The following SAR1B variants were observed in gnomAD, a reference collection of about 807,000 sequenced individuals.
SAR1B encodes small COPII coat GTPase SAR1B.
SAR1B carries 23 observed loss-of-function variants against 26.8 expected under a neutral mutation model. That is an observed-to-expected ratio of 0.86 (90% CI 0.62 to 1.22). The LOEUF is 1.22. Ranked by LOEUF, SAR1B falls within the 50% of genes most tolerant of loss-of-function variation. SAR1B has a pLI of 0.00. For missense variants in SAR1B, 196 were observed against 232.8 expected (o/e 0.84, Z 1.03); for synonymous variants, 65 against 80.8 (o/e 0.80, Z 1.05).
rs1202337210 is a variant in SAR1B, at chr5:134,604,171, G to A, written c.*2779C>T. ...AACGGCAGTCAGTGAAACAGGTATG[G>A]GATCTCTTTAAAAGTGTAAAAGTGG... On this transcript the variant is annotated 3_prime_UTR_variant, in exon 7 of 7. Coordinates refer to ENST00000402673, the MANE Select transcript of SAR1B (RefSeq NM_016103.4). The A allele has an allele frequency of 2.0e-5, 3 of 152,130 alleles. No individual in the cohort carries two copies. The highest frequency in any genetic ancestry group is 4.4e-5 in the Non-Finnish European group (3 of 68,036). 9.4% of individuals were successfully genotyped at this position (152,130 alleles called of 1,614,324 possible). A position where few individuals can be genotyped will look rare whatever the true frequency, so the allele number is the denominator to read the frequency against.
chr5:134,611,610 G>A (rs1028969721), intron 4 of SAR1B, among the ~76,000 whole-genome samples: 5 of 151,948 alleles, frequency 3.3e-5, no homozygotes, highest in Admixed American at 6.6e-5. Flanking sequence ...TTTAGTCCCC[G>A]CAAGTTTAAT....
At chr5:134,607,109 A>T in intron 6 of SAR1B, 43 bp from the exon 7 acceptor site, 1 of 1,215,360 alleles carries the variant, frequency 8.2e-7, no homozygotes, top group Non-Finnish European at 1.2e-6. Flanking sequence ...TTATAAAATT[A>T]ATAAAGCCCC....
At chr5:134,627,844 A>AT (rs1765523525) in intron 1 of SAR1B, among the ~76,000 whole-genome samples, 1 of 140,326 alleles carries the variant, frequency 7.1e-6, no homozygotes, top group South Asian at 2.2e-4. Context: ...AAATAAATAA[A>AT]ACCACACATT....
At chr5:134,617,932 T>C (rs1057436951) in intron 3 of SAR1B, among the ~76,000 whole-genome samples, 2 of 152,188 alleles carry the variant, frequency 1.3e-5, no homozygotes, top group Non-Finnish European at 2.9e-5. Flanking sequence ...TTTTATCTAC[T>C]CAATTTCACC....
At chr5:134,627,482 G>A (rs1395727165) in intron 1 of SAR1B, among the ~76,000 whole-genome samples, 1 of 151,944 alleles carries the variant, frequency 6.6e-6, no homozygotes, top group Non-Finnish European at 1.5e-5. Flanking sequence ...TACAGGCATA[G>A]GCCACTATGC....
intron 1 of SAR1B, among the ~76,000 whole-genome samples, chr5:134,626,298 CAAAAAAAAAAAAAAAAAA>C (rs35668627): frequency 1.1e-4 from 6 of 53,124 alleles, no homozygotes; most frequent in East Asian, 1.4e-3. Context: ...GACTCTGCCT[CAAAAAAAAAAAAAAAAAA>C]AAAAAAAAAA....
At chr5:134,630,875 ATTTCTTTTTT>A (rs1427704244) in intron 1 of SAR1B, among the ~76,000 whole-genome samples, 75 of 83,452 alleles carry the variant, frequency 9.0e-4, no homozygotes, top group African/African-American at 2.1e-3. Flanking sequence ...TTCCTTTTCT[ATTTCTTTTTT>A]TTTCTTTTTT....
chr5:134,617,767 C>T (rs1016873970), intron 3 of SAR1B, among the ~76,000 whole-genome samples: 2 of 151,974 alleles, frequency 1.3e-5, no homozygotes, highest in African/African-American at 4.8e-5. Flanking sequence ...CTGCAACCTC[C>T]GCCTCCCGGG....
At chr5:134,618,014 T>C (rs374422099) in intron 3 of SAR1B, among the ~76,000 whole-genome samples, 51 of 148,240 alleles carry the variant, frequency 3.4e-4, no homozygotes, top group African/African-American at 1.2e-3. Context: ...TTTTTTCTCC[T>C]AATATAAAAA....
At position 134,605,659 on chromosome 5, in the gene SAR1B, C is replaced by CAAAAAAAAAAAAAAAAAAAAAAAAAAA. The variant is rs1026047463; in HGVS notation, c.*1290_*1291insTTTTTTTTTTTTTTTTTTTTTTTTTTT. 1 of 35,024 alleles carries CAAAAAAAAAAAAAAAAAAAAAAAAAAA rather than the reference C, an allele frequency of 2.9e-5. No homozygotes were observed. The highest frequency in any genetic ancestry group is 5.9e-5 in the Non-Finnish European group (1 of 16,908). 2.2% of individuals were successfully genotyped at this position (35,024 alleles called of 1,614,324 possible). ...GTCTCTAAAACAAAATGAAACAGAG[C>CAAAAAAAAAAAAAAAAAAAAAAAAAAA]AAAAAAAAAAAAAAAAAAAAAGCCC... On this transcript the variant is annotated 3_prime_UTR_variant, in exon 7 of 7. Transcript: ENST00000402673.
intron 3 of SAR1B, among the ~76,000 whole-genome samples, chr5:134,616,635 GA>G (rs1765321579): frequency 6.6e-6 from 1 of 152,108 alleles, no homozygotes; most frequent in Non-Finnish European, 1.5e-5. Flanking sequence ...TTAAGATACA[GA>G]ACACTGTTAA....
At chr5:134,607,145 A>G in intron 6 of SAR1B, 79 bp from the exon 7 acceptor site, 1 of 927,622 alleles carries the variant, frequency 1.1e-6, no homozygotes, top group Non-Finnish European at 1.8e-6. Context: ...TATAGGTTCT[A>G]TTTTAGAACA....
chr5:134,626,410 G>A (rs191039299), intron 1 of SAR1B, among the ~76,000 whole-genome samples: 4 of 148,324 alleles, frequency 2.7e-5, no homozygotes, highest in Admixed American at 1.4e-4. Flanking sequence ...ATTTTAAGTA[G>A]AAGTAAAAAT....
chr5:134,630,760 T>C (rs1765586674), intron 1 of SAR1B, among the ~76,000 whole-genome samples: 1 of 134,276 alleles, frequency 7.4e-6, no homozygotes, highest in Non-Finnish European at 1.5e-5. Context: ...GCCTGGGCGA[T>C]AGAGCGAGAC....
chr5:134,622,050 T>G (rs1488917960), intron 2 of SAR1B, among the ~76,000 whole-genome samples: 1 of 152,152 alleles, frequency 6.6e-6, no homozygotes, highest in Non-Finnish European at 1.5e-5. Context: ...TGTTTAATGG[T>G]CTAACCTCCA....
chr5:134,626,032 C>T (rs555800954), intron 1 of SAR1B, among the ~76,000 whole-genome samples: 2 of 152,100 alleles, frequency 1.3e-5, no homozygotes, highest in African/African-American at 4.8e-5. Flanking sequence ...GGCACAATGG[C>T]TCACACCTGT....
intron 3 of SAR1B, chr5:134,613,308 T>G (rs1412873228): frequency 6.5e-6 from 1 of 152,928 alleles, no homozygotes; most frequent in Non-Finnish European, 1.5e-5. Context: ...GTACCCTTTC[T>G]GCAGAAAGTA....
At chr5:134,612,455 T>C (rs1765229230) in intron 4 of SAR1B, among the ~76,000 whole-genome samples, 1 of 151,758 alleles carries the variant, frequency 6.6e-6, no homozygotes. Context: ...GAATCTTACC[T>C]TGAACGTGGC....
chr5:134,612,979 C>A (rs1396475076), intron 3 of SAR1B: 3 of 533,266 alleles, frequency 5.6e-6, no homozygotes, highest in Non-Finnish European at 1.0e-5. Context: ...TTAGCTCCCA[C>A]AATTTAGCCT....
Sources: allele counts gnomAD v4.1 joint callset (sites outside exome capture counted in the v4.1 genomes callset), GRCh38; gene constraint gnomAD v4.1.1; transcripts MANE v1.5; gene names NCBI Gene and HGNC (gene_info 2026-07-23, HGNC 2026-07-21).